Variants in ADD2 observed in about 807,000 individuals in gnomAD.
The protein encoded by ADD2 is adducin 2.
A neutral mutation model predicts 83.0 loss-of-function variants in ADD2; 23 were observed. The observed-to-expected ratio is 0.28, with a 90% CI of 0.20 to 0.39. The LOEUF (loss-of-function observed/expected upper bound fraction) is 0.39, where lower values mean the gene tolerates loss of function less well. Among genes scored for constraint, ADD2 ranks in the 10% least tolerant of loss-of-function variants. ADD2 has a pLI of 1.00. For missense variants in ADD2, 758 were observed against 944.9 expected (o/e 0.80, Z 2.59); for synonymous variants, 375 against 375.4 (o/e 1.00, Z 0.01).
chr2:70,724,597 C>G (rs563200389), intron 1 of ADD2, among the ~76,000 whole-genome samples: 2 of 152,344 alleles, frequency 1.3e-5, no homozygotes, highest in East Asian at 3.9e-4. Context: ...GCTGCCATCA[C>G]TCTTGTGGCT....
At chr2:70,668,691 G>A (rs782419119) in intron 15 of ADD2, among the ~76,000 whole-genome samples, 11 of 152,192 alleles carry the variant, frequency 7.2e-5, no homozygotes, top group African/African-American at 1.9e-4. Flanking sequence ...TTCTGTGGCC[G>A]TGCACTGGGG....
intron 1 of ADD2, among the ~76,000 whole-genome samples, chr2:70,742,836 C>T (rs1553381353): frequency 6.6e-6 from 1 of 152,062 alleles, no homozygotes; most frequent in Non-Finnish European, 1.5e-5. Context: ...CAAATGAGGT[C>T]CCTGGCTATA....
chr2:70,723,817 A>G lies in ADD2; in HGVS notation c.-153-10633T>C, dbSNP rs1211883276. On this transcript the variant is annotated intron_variant, in intron 1 of 15. Coordinates refer to ENST00000264436, the MANE Select transcript of ADD2 (RefSeq NM_001617.4). The stretch of plus-strand genomic sequence containing the variant: ...TCTTCTTTGAGCTTGGAACTCAAAG[A>G]ATGGGGTCAGATTTTTGGCCTGGAG... Among the ~76,000 whole-genome samples, 3 of 152,130 alleles carry G rather than the reference A, an allele frequency of 2.0e-5. No individual in the cohort carries two copies. In the East Asian group the frequency reaches 5.8e-4, roughly 29 times the overall value.
chr2:70,668,046 C>A (rs782043951), intron 15 of ADD2, among the ~76,000 whole-genome samples: 1 of 152,198 alleles, frequency 6.6e-6, no homozygotes, highest in Non-Finnish European at 1.5e-5. Context: ...CAAATTCTCT[C>A]TGTTCTTGAG....
intron 1 of ADD2, among the ~76,000 whole-genome samples, chr2:70,740,306 G>A (rs1035095312): frequency 2.0e-5 from 3 of 152,056 alleles, no homozygotes; most frequent in Admixed American, 6.6e-5. Context: ...TAATAATAAT[G>A]GATTACTTTA....
At chr2:70,679,687 T>C (rs903237497) in intron 10 of ADD2, among the ~76,000 whole-genome samples, 1 of 136,268 alleles carries the variant, frequency 7.3e-6, no homozygotes, top group Non-Finnish European at 1.6e-5. Flanking sequence ...GTAGAAAAAT[T>C]AAGCAAAATT....
intron 1 of ADD2, among the ~76,000 whole-genome samples, chr2:70,743,844 G>C (rs1299911472): frequency 1.3e-5 from 2 of 152,236 alleles, no homozygotes; most frequent in Non-Finnish European, 2.9e-5. Context: ...AGGCCAGTGT[G>C]GCCAGAGCAG....
chr2:70,726,186 CAAAAAAAAAAA>C (rs34333514), intron 1 of ADD2, among the ~76,000 whole-genome samples: 6,879 of 45,600 alleles, frequency 0.15, 288 homozygotes, highest in East Asian at 0.35. Flanking sequence ...GACTCCATCT[CAAAAAAAAAAA>C]AAAAAAAAAA....
chr2:70,750,508 A>G (rs901675254), intron 1 of ADD2, among the ~76,000 whole-genome samples: 5 of 152,218 alleles, frequency 3.3e-5, no homozygotes, highest in Admixed American at 3.3e-4. Context: ...CATCAAAGTC[A>G]TAGAGAAGAC....
intron 1 of ADD2, among the ~76,000 whole-genome samples, chr2:70,760,136 T>C (rs1451985722): frequency 2.0e-5 from 3 of 152,236 alleles, no homozygotes; most frequent in Admixed American, 6.5e-5. Flanking sequence ...ATGTTTTCCT[T>C]ACTATATTTG....
intron 1 of ADD2, among the ~76,000 whole-genome samples, chr2:70,735,712 CTT>C (rs782750462): frequency 3.5e-5 from 5 of 143,662 alleles, no homozygotes; most frequent in Admixed American, 7.0e-5. Flanking sequence ...TATTCCCCCG[CTT>C]TTTTTTTTTT....
intron 3 of ADD2, among the ~76,000 whole-genome samples, chr2:70,705,328 C>T (rs1328204512): frequency 1.2e-4 from 18 of 152,206 alleles, no homozygotes; most frequent in African/African-American, 4.1e-4. Context: ...CCTGAGTATG[C>T]ACCATGGCTC....
rs1302454883 is a variant in ADD2, at chr2:70,706,145, T to C, written c.183+81A>G. 2.1e-6 allele frequency: 3 copies of C among 1,428,312 alleles called. No individual in the cohort carries two copies. Among genetic ancestry groups the C allele is most frequent in the Non-Finnish European group, 2.9e-6 (3 of 1,035,412 alleles). The allele number at this position is 1,428,312 out of a possible 1,614,324, so 88.5% of individuals were successfully genotyped here. On this transcript the variant is annotated intron_variant, in intron 3 of 15. Transcript: ENST00000264436. The surrounding 1 kb of genome is among the most constrained non-coding windows in gnomAD (Gnocchi z 5.0). ...TGACCCTGAGCAAGGGAAAGAGGAG[T>C]TACTCATCTTTCGGGTGGGTACACG...
In ADD2 at chr2:70,672,917, T is replaced by C. The variant is rs781815638; in HGVS notation, c.1831A>G (p.Thr611Ala). ...GAAGGAGAGACTAAAGGGCTCTTTG[T>C]CTCTGCCTCCTTCGCTGGGCTCTGC... ...PVQSPAKEAE[T>A]KSPLVSPSKS... is the part of the protein sequence containing the mutation. Residue 611 changes from threonine to alanine, a missense_variant, in exon 15 of 16, where the codon ACA (threonine) becomes GCA (alanine). Thr to Ala is a moderately conservative substitution (Grantham distance 58, BLOSUM62 0). This residue lies in a region of ADD2 where 165 missense variants were observed against 176.2 expected (regional missense o/e 0.94). Transcript: ENST00000264436. 14 of 1,613,480 alleles carry C rather than the reference T, an allele frequency of 8.7e-6. No individual in the cohort carries two copies. In the African/African-American group the frequency reaches 1.9e-4, roughly 22 times the overall value.
Position 70,768,103 on chromosome 2 carries a change from C to T in ADD2, c.-371G>A. On this transcript the variant is annotated 5_prime_UTR_variant, in exon 1 of 16. Coordinates refer to ENST00000264436, the MANE Select transcript of ADD2 (RefSeq NM_001617.4). ...GGCGGGGATGACTGGCCACCGACGC[C>T]GCAGTTCCTTGACAAAAGGCTCGGG... The T allele has an allele frequency of 1.2e-6, 1 of 827,830 alleles. No homozygotes were observed. Among genetic ancestry groups the T allele is most frequent in the Non-Finnish European group, 1.8e-6 (1 of 542,910 alleles). 51.3% of individuals were successfully genotyped at this position (827,830 alleles called of 1,614,324 possible).
At chr2:70,737,433 G>C (rs1673631523) in intron 1 of ADD2, among the ~76,000 whole-genome samples, 1 of 152,030 alleles carries the variant, frequency 6.6e-6, no homozygotes, top group South Asian at 2.1e-4. Flanking sequence ...TAGGGACATG[G>C]ATGAAGCTGG....
At chr2:70,669,013 G>C (rs1464998579) in intron 15 of ADD2, among the ~76,000 whole-genome samples, 1 of 152,174 alleles carries the variant, frequency 6.6e-6, no homozygotes, top group African/African-American at 2.4e-5. Flanking sequence ...CCATTGCATA[G>C]AGAGGTCATA....
rs1553371819 is a variant in ADD2 at position 70,692,396 on chromosome 2, C to T, written c.705+7G>A. 2.0e-6 allele frequency: 3 copies of T among 1,537,390 alleles called. No individual in the cohort carries two copies. Among genetic ancestry groups the T allele is most frequent in the Non-Finnish European group, 1.8e-6 (2 of 1,140,364 alleles). On this transcript the variant is annotated splice_region_variant and intron_variant, in intron 7 of 15. Transcript: ENST00000264436. ...TTCCTTGGGTGGCTGAGAAGGAGTC[C>T]ACTCACCGCTGCTGTGGCCGGTGTG...
At position 70,693,284 on chromosome 2, in the gene ADD2, C is replaced by A. The variant is rs142615364; in HGVS notation, c.556-732G>T. 6.6e-5 allele frequency among the ~76,000 whole-genome samples: 10 copies of A among 152,332 alleles called. No homozygotes were observed. In the East Asian group the frequency reaches 1.9e-3, roughly 29 times the overall value. On this transcript the variant is annotated intron_variant, in intron 6 of 15. Coordinates refer to ENST00000264436, the MANE Select transcript of ADD2 (RefSeq NM_001617.4). ...TCTCACTGAACACCTCCCCGATTTC[C>A]CGGAGTGCAATCTCCCGGCAGCTGG...
Sources: gnomAD v4.1 joint callset for allele counts (sites outside exome capture counted in the v4.1 genomes callset) on GRCh38, gnomAD v4.1.1 for gene constraint, gnomAD v4.1.1 regional missense constraint, Gnocchi (gnomAD v3.1) non-coding constraint, MANE v1.5 for transcripts, NCBI Gene and HGNC (gene_info 2026-07-23, HGNC 2026-07-21) for gene names.